The following PTPN22 variants were observed in gnomAD, a reference collection of about 807,000 sequenced individuals.
PTPN22 encodes protein tyrosine phosphatase non-receptor type 22.
A neutral mutation model predicts 103.3 loss-of-function variants in PTPN22; 85 were observed. That is an observed-to-expected ratio of 0.82 (90% CI 0.69 to 0.99). The LOEUF is 0.99. PTPN22 is among the 50% of genes least tolerant of loss of function. The probability of loss-of-function intolerance (pLI) is 0.00; values close to 1 mark genes in which losing one functional copy is unlikely to be tolerated. For synonymous variants in PTPN22, 323 were observed against 310.2 expected (o/e 1.04, Z -0.43); for missense variants, 865 against 936.9 (o/e 0.92, Z 1.00).
intron 18 of PTPN22, among the ~76,000 whole-genome samples, chr1:113,826,238 G>A (rs892534267): frequency 1.3e-5 from 2 of 152,166 alleles, no homozygotes; most frequent in African/African-American, 4.8e-5. Context: ...CCAGCCACTC[G>A]AAAGGCTGAT....
At chr1:113,842,955 C>T (rs1663692052) in intron 11 of PTPN22, among the ~76,000 whole-genome samples, 3 of 148,722 alleles carry the variant, frequency 2.0e-5, no homozygotes, top group African/African-American at 7.5e-5. Flanking sequence ...CAAAAAATAG[C>T]CGGGCGTAGT....
chr1:113,823,188 A>G (rs1256375741), intron 19 of PTPN22: 1 of 152,250 alleles, frequency 6.6e-6, no homozygotes, highest in Non-Finnish European at 1.5e-5. Flanking sequence ...GTTCACCATC[A>G]TATACCAAGT....
In PTPN22 at chr1:113,833,098, G is replaced by C. The variant is rs1425328764; in HGVS notation, c.2053+13C>G. The C allele has an allele frequency of 7.0e-6, 11 of 1,563,476 alleles. No homozygotes were observed. The highest frequency in any genetic ancestry group is 9.7e-6 in the Non-Finnish European group (11 of 1,138,406). The stretch of plus-strand genomic sequence containing the variant: ...AGGGCTAAATGTCATCTAAAGCCAA[G>C]AGAAATTTTTACCTGATTTAGGACT... On this transcript the variant is annotated intron_variant, in intron 16 of 20. Transcript: ENST00000359785.
At chr1:113,853,301 A>G (rs1426470882) in intron 9 of PTPN22, among the ~76,000 whole-genome samples, 2 of 152,020 alleles carry the variant, frequency 1.3e-5, no homozygotes, top group African/African-American at 4.8e-5. Context: ...AGTGATATCC[A>G]GTAAAATATA....
exon 1 of PTPN22, chr1:113,871,603 C>A (rs1403687253): frequency 1.9e-6 from 3 of 1,613,990 alleles, no homozygotes; most frequent in Non-Finnish European, 2.5e-6. Context: ...GGAACTTCTG[C>A]AGAATTTCTC....
chr1:113,817,038 A>G (rs568380777), intron 20 of PTPN22, among the ~76,000 whole-genome samples: 3 of 152,282 alleles, frequency 2.0e-5, no homozygotes, highest in South Asian at 2.1e-4. Flanking sequence ...ATGATAAAAA[A>G]AAATTGGTGG....
rs554834187 is a variant in PTPN22, at chr1:113,834,572, T to C, written c.1895-133A>G. 6 of 1,035,788 alleles carry C rather than the reference T, an allele frequency of 5.8e-6. No homozygotes were observed. The African/African-American group carries it at 9.6e-5, about 17-fold the overall frequency. 64.2% of individuals were successfully genotyped at this position (1,035,788 alleles called of 1,614,324 possible). A position where few individuals can be genotyped will look rare whatever the true frequency, so the allele number is the denominator to read the frequency against. On this transcript the variant is annotated intron_variant, in intron 14 of 20. Transcript: ENST00000359785. ...CTAGTTAATTCACACTTCATTTTATTTTTTGAGACAGGGTCTTGCTCTGTC... is the reference window on the plus strand; with the variant it reads ...CTAGTTAATTCACACTTCATTTTATCTTTTGAGACAGGGTCTTGCTCTGTC...
chr1:113,847,236 CTTT>C (rs34578333), intron 11 of PTPN22, among the ~76,000 whole-genome samples: 45 of 101,442 alleles, frequency 4.4e-4, no homozygotes, highest in African/African-American at 1.4e-3. Context: ...TGCTGAGACT[CTTT>C]TTTTTTTTTT....
At chr1:113,857,414 G>T in intron 5 of PTPN22, 1 of 200,782 alleles carries the variant, frequency 5.0e-6, no homozygotes, top group South Asian at 1.0e-4. Flanking sequence ...GCTGGTGGAT[G>T]CAATATTGGA....
chr1:113,857,059 A>G (rs1327110958), intron 5 of PTPN22, among the ~76,000 whole-genome samples: 1 of 152,174 alleles, frequency 6.6e-6, no homozygotes, highest in Non-Finnish European at 1.5e-5. Context: ...TTAAAAAATG[A>G]AAAGAGGTGA....
intron 19 of PTPN22, chr1:113,819,905 A>C (rs1490120367): frequency 7.8e-6 from 2 of 255,058 alleles, no homozygotes; most frequent in African/African-American, 4.4e-5. Context: ...CACTAAAGAA[A>C]ATTGCTAAGG....
chr1:113,849,115 T>A (rs1000316092), intron 10 of PTPN22, among the ~76,000 whole-genome samples: 1 of 152,230 alleles, frequency 6.6e-6, no homozygotes, highest in African/African-American at 2.4e-5. Context: ...AGATAAGCTA[T>A]TTATACCTAT....
intron 19 of PTPN22, chr1:113,823,413 G>C (rs1265990282): frequency 6.6e-6 from 1 of 152,212 alleles, no homozygotes; most frequent in Non-Finnish European, 1.5e-5. Context: ...AGGGGCTGAG[G>C]ACACATATGA....
intron 11 of PTPN22, 98 bp from the exon 12 acceptor site, chr1:113,838,718 A>C: frequency 1.4e-6 from 2 of 1,465,462 alleles, no homozygotes; most frequent in Non-Finnish European, 1.8e-6. Flanking sequence ...TCAGGAAATA[A>C]AAAGATTTAA....
chr1:113,847,584 C>CTT lies in PTPN22; in HGVS notation c.915+954_915+955dup, dbSNP rs201373943. Among the ~76,000 whole-genome samples the CTT allele has an allele frequency of 7.2e-5, 9 of 125,554 alleles. No individual in the cohort carries two copies. The South Asian group carries it at 7.8e-4, about 11-fold the overall frequency. The allele number at this position is 125,554 out of a possible 152,430, so 82.4% of individuals were successfully genotyped here. ...GTTAAGCCTTCTCTTTTTGCTGGGG[C>CTT]TTTTTTTTTTTTTTAACAGAGTGTT... On this transcript the variant is annotated intron_variant, in intron 11 of 20. Coordinates refer to ENST00000359785, the Ensembl canonical transcript of PTPN22.
chr1:113,821,000 ATACT>A (rs1661548222), intron 19 of PTPN22, among the ~76,000 whole-genome samples: 4 of 150,614 alleles, frequency 2.7e-5, no homozygotes, highest in East Asian at 1.9e-4. Flanking sequence ...ATATATTAAA[ATACT>A]TAATATAAAG....
chr1:113,857,421 T>C (rs1294274285), intron 5 of PTPN22: 1 of 217,698 alleles, frequency 4.6e-6, no homozygotes, highest in Non-Finnish European at 9.2e-6. Flanking sequence ...GATGCAATAT[T>C]GGACGGCACA....
intron 11 of PTPN22, among the ~76,000 whole-genome samples, chr1:113,843,286 ATGTGTG>A (rs35997994): frequency 6.7e-6 from 1 of 149,774 alleles, no homozygotes. Context: ...GATAAACAAA[ATGTGTG>A]TGTGTGTGTG....
intron 1 of PTPN22, among the ~76,000 whole-genome samples, chr1:113,869,710 A>T (rs1047885088): frequency 5.3e-5 from 8 of 152,130 alleles, no homozygotes; most frequent in Admixed American, 3.9e-4. Flanking sequence ...ACATTATTTT[A>T]AAAAACACAA....
Sources: allele counts gnomAD v4.1 joint callset (sites outside exome capture counted in the v4.1 genomes callset), GRCh38; gene constraint gnomAD v4.1.1; transcripts MANE v1.5; gene names NCBI Gene and HGNC (gene_info 2026-07-23, HGNC 2026-07-21).